The following PCDHGA6 variants were observed in gnomAD, a reference collection of about 807,000 sequenced individuals.
PCDHGA6 encodes the protein protocadherin gamma-A6.
Under a neutral mutation model 60.6 loss-of-function variants are expected in PCDHGA6, and 41 were observed. The observed-to-expected ratio is 0.68, with a 90% CI of 0.53 to 0.88. The LOEUF is 0.88. PCDHGA6 is among the 40% of genes least tolerant of loss of function. The probability of loss-of-function intolerance (pLI) is 0.00; values close to 1 mark genes in which losing one functional copy is unlikely to be tolerated. For missense variants in PCDHGA6, 1,312 were observed against 1,203.0 expected (o/e 1.09, Z -1.34); for synonymous variants, 594 against 524.4 (o/e 1.13, Z -1.81).
intron 1 of PCDHGA6, among the ~76,000 whole-genome samples, chr5:141,379,925 A>T (rs1776079128): frequency 2.1e-5 from 1 of 48,106 alleles, no homozygotes; most frequent in East Asian, 5.2e-4. Context: ...TTTTTGTCAG[A>T]GTCTTGCTCT....
intron 1 of PCDHGA6, chr5:141,418,947 G>T (rs534744990): frequency 6.2e-7 from 1 of 1,614,022 alleles, no homozygotes; most frequent in African/African-American, 1.3e-5. Context: ...TCCCCTCCAG[G>T]AGTGGTTGTT....
intron 1 of PCDHGA6, chr5:141,405,167 C>T (rs926303279): frequency 7.4e-6 from 12 of 1,614,002 alleles, no homozygotes; most frequent in African/African-American, 1.3e-5. Flanking sequence ...GCCCACCTCA[C>T]ACTTTGTGGG....
In PCDHGA6 at chr5:141,417,886, C is replaced by G. The variant is rs1330007520; in HGVS notation, c.2424+41379C>G. Reference sequence around the variant, plus strand: ...TGGGAGGGAGCTGCGCGCAGAGGCGCCGGGCCGGCCCGCGGCAGGTACTAT... The same window carrying G: ...TGGGAGGGAGCTGCGCGCAGAGGCGGCGGGCCGGCCCGCGGCAGGTACTAT... On this transcript the variant is annotated intron_variant, in intron 1 of 3. Transcript: ENST00000517434. The G allele has an allele frequency of 9.0e-6, 14 of 1,563,624 alleles. No individual in the cohort carries two copies. The African/African-American group carries it at 1.9e-4, about 21-fold the overall frequency.
In PCDHGA6 at chr5:141,432,872, C is replaced by G; in HGVS notation, c.2424+56365C>G. 4 of 1,614,192 alleles carry G rather than the reference C, an allele frequency of 2.5e-6. No individual in the cohort carries two copies. The highest frequency in any genetic ancestry group is 3.4e-6 in the Non-Finnish European group (4 of 1,180,018). ...GGTGGCCGCGGTCTCCTGCGTCTTCCTGGCCTTCGTCATCTTGCTGCTGGC... is the reference window on the plus strand; with the variant it reads ...GGTGGCCGCGGTCTCCTGCGTCTTCGTGGCCTTCGTCATCTTGCTGCTGGC... On this transcript the variant is annotated intron_variant, in intron 1 of 3. Coordinates refer to ENST00000517434, the MANE Select transcript of PCDHGA6 (RefSeq NM_018919.3). The surrounding 1 kb of genome is among the most constrained non-coding windows in gnomAD (Gnocchi z 6.0).
chr5:141,408,743 A>G (rs764671808), intron 1 of PCDHGA6: 13 of 1,610,030 alleles, frequency 8.1e-6, no homozygotes, highest in African/African-American at 2.7e-5. Flanking sequence ...TTTTTCATTA[A>G]TGGTTAGAGT....
rs1314667705 is a variant in PCDHGA6, at chr5:141,374,551, G to C, written c.468G>C (p.Glu156Asp). 1.2e-6 allele frequency: 2 copies of C among 1,613,400 alleles called. No homozygotes were observed. The highest frequency in any genetic ancestry group is 2.7e-5 in the African/African-American group (2 of 74,924). The change falls in exon 1 of 4, where the codon GAG (glutamate) becomes GAC (aspartate). Residue 156 changes from glutamate to aspartate, a missense_variant. Glu to Asp is a conservative substitution (Grantham distance 45). Transcript: ENST00000517434. The stretch of plus-strand genomic sequence containing the variant: ...CATCCTCTCGTTTTCCACTAATGGA[G>C]GTCTATGACCCTGATGTGGGAATGA... Reference protein sequence around the residue: ...AAPSSRFPLMEVYDPDVGMNS... With the variant: ...AAPSSRFPLMDVYDPDVGMNS...
At chr5:141,430,313 G>A (rs1018901791) in intron 1 of PCDHGA6, among the ~76,000 whole-genome samples, 1 of 150,204 alleles carries the variant, frequency 6.7e-6, no homozygotes, top group South Asian at 2.1e-4. Context: ...AACATTATAA[G>A]ATTAAAATCA....
chr5:141,433,204 C>T, intron 1 of PCDHGA6: 6 of 1,566,938 alleles, frequency 3.8e-6, no homozygotes, highest in Admixed American at 2.0e-5. Flanking sequence ...ATCAAATCTT[C>T]TTTCTTTTTT....
chr5:141,500,986 A>G (rs1223940696), intron 2 of PCDHGA6, among the ~76,000 whole-genome samples: 1 of 151,656 alleles, frequency 6.6e-6, no homozygotes, highest in East Asian at 1.9e-4. Flanking sequence ...CTCCTGCCTC[A>G]GCCTCCTGAG....
At chr5:141,386,383 A>C (rs980668572) in intron 1 of PCDHGA6, among the ~76,000 whole-genome samples, 5 of 152,206 alleles carry the variant, frequency 3.3e-5, no homozygotes, top group Admixed American at 2.6e-4. Context: ...GTATTAATTA[A>C]AAACACACTT....
intron 1 of PCDHGA6, chr5:141,393,482 T>G (rs116240246): frequency 4.3e-6 from 7 of 1,614,070 alleles, no homozygotes; most frequent in Middle Eastern, 1.6e-4. Context: ...CGCCTCGCTC[T>G]AGCACAGTGC....
At position 141,374,589 on chromosome 5, in the gene PCDHGA6, G is replaced by T. The variant is rs1385892757; in HGVS notation, c.506G>T (p.Gly169Val). 1 of 1,613,558 alleles carries T rather than the reference G, an allele frequency of 6.2e-7. No homozygotes were observed. Among genetic ancestry groups the T allele is most frequent in the Admixed American group, 1.7e-5 (1 of 60,008 alleles). The change falls in exon 1 of 4, where the codon GGA (glycine) becomes GTA (valine). Residue 169 changes from glycine (G) to valine (V), a missense_variant. Physicochemically the swap from Gly to Val is moderately radical, Grantham distance 109. Transcript: ENST00000517434. ...GATGTGGGAATGAACTCCCTTCAGG[G>T]ATTTAAGCTCAGTGGTAATAGTCAC... ...DPDVGMNSLQ[G>V]FKLSGNSHFS...
chr5:141,427,899 G>A, intron 1 of PCDHGA6: 1 of 1,571,372 alleles, frequency 6.4e-7, no homozygotes, highest in Non-Finnish European at 8.7e-7. Flanking sequence ...GGGCTCGCCC[G>A]CGCTCAGCGC....
chr5:141,383,276 T>G lies in PCDHGA6; in HGVS notation c.2424+6769T>G, dbSNP rs550293015. The G allele has an allele frequency of 3.8e-5, 61 of 1,613,822 alleles. No homozygotes were observed. The highest frequency in any genetic ancestry group is 5.1e-5 in the Non-Finnish European group (60 of 1,179,878). Reference sequence around the variant, plus strand: ...CCTATAGACGTGGAAATAATAGATATTAATGACAACGTTCCAAGATTCTTG... The same window carrying G: ...CCTATAGACGTGGAAATAATAGATAGTAATGACAACGTTCCAAGATTCTTG... On this transcript the variant is annotated intron_variant, in intron 1 of 3. Transcript: ENST00000517434.
In PCDHGA6 at chr5:141,511,251, A is replaced by T. The variant is rs780892899; in HGVS notation, c.*78A>T. 2.0e-5 allele frequency: 32 copies of T among 1,571,672 alleles called. No homozygotes were observed. Among genetic ancestry groups the T allele is most frequent in the Non-Finnish European group, 2.6e-5 (30 of 1,158,828 alleles). ...TTCTCCTTACCTGCACCCAGGCCTC[A>T]GAGTTTCAGGGCTAACCCCCAGAAT... On this transcript the variant is annotated 3_prime_UTR_variant, in exon 4 of 4. Transcript: ENST00000517434.
chr5:141,423,628 A>G (rs1272272666), intron 1 of PCDHGA6: 2 of 1,604,848 alleles, frequency 1.2e-6, no homozygotes, highest in African/African-American at 1.3e-5. Context: ...CTCAGCTATC[A>G]TTTTAGGCAA....
intron 3 of PCDHGA6, 72 bp from the exon 4 acceptor site, chr5:141,510,875 C>T: frequency 6.2e-7 from 1 of 1,610,120 alleles, no homozygotes; most frequent in Admixed American, 1.7e-5. Context: ...TCATTAACTG[C>T]TGGGGATATA....
intron 2 of PCDHGA6, among the ~76,000 whole-genome samples, chr5:141,500,900 C>T (rs1309164700): frequency 4.0e-5 from 6 of 150,642 alleles, no homozygotes; most frequent in South Asian, 2.1e-4. Flanking sequence ...GAGACAGTCT[C>T]GCTCTGTCTC....
chr5:141,407,601 A>G (rs886898088), intron 1 of PCDHGA6, among the ~76,000 whole-genome samples: 3 of 152,168 alleles, frequency 2.0e-5, no homozygotes, highest in African/African-American at 7.2e-5. Flanking sequence ...CATCTTAAAA[A>G]GAAGCATTGG....
Sources: allele counts gnomAD v4.1 joint callset (sites outside exome capture counted in the v4.1 genomes callset), GRCh38; gene constraint gnomAD v4.1.1; non-coding constraint Gnocchi (gnomAD v3.1); transcripts MANE v1.5; gene names NCBI Gene and HGNC (gene_info 2026-07-23, HGNC 2026-07-21).